RYR2: variants seen among roughly 807,000 people sequenced by gnomAD.
RYR2 encodes the protein ryanodine receptor 2.
In RYR2, 227 loss-of-function variants were observed where a neutral mutation model predicts 601.1. That is an observed-to-expected ratio of 0.38 (90% CI 0.34 to 0.42). The LOEUF is 0.42. Ranked by LOEUF, RYR2 falls within the 10% of genes least tolerant of loss-of-function variation. The pLI is 1.00. For synonymous variants in RYR2, 2,223 were observed against 2,175.1 expected (o/e 1.02, Z -0.61); for missense variants, 4,646 against 6,156.5 (o/e 0.75, Z 8.21).
intron 63 of RYR2, among the ~76,000 whole-genome samples, chr1:237,695,176 GTTATA>G (rs1038980380): frequency 1.7e-4 from 26 of 152,178 alleles, no homozygotes; most frequent in South Asian, 6.2e-4. Flanking sequence ...ATTATTTATA[GTTATA>G]TTATGTAATT....
chr1:237,358,159 G>A (rs1019838643), intron 4 of RYR2, among the ~76,000 whole-genome samples: 7 of 152,176 alleles, frequency 4.6e-5, no homozygotes, highest in South Asian at 2.1e-4. Flanking sequence ...AATTAGAACC[G>A]GTCCCTTGAC....
intron 29 of RYR2, among the ~76,000 whole-genome samples, chr1:237,587,656 A>G (rs1343198582): frequency 6.6e-6 from 1 of 152,226 alleles, no homozygotes; most frequent in Non-Finnish European, 1.5e-5. Context: ...TTTATTATCA[A>G]AACAGTATTC....
chr1:237,747,977 T>C (rs1227966426), intron 80 of RYR2, among the ~76,000 whole-genome samples: 1 of 152,156 alleles, frequency 6.6e-6, no homozygotes, highest in Non-Finnish European at 1.5e-5. Flanking sequence ...TCTCCAGTAC[T>C]CACGCTGATT....
intron 44 of RYR2, among the ~76,000 whole-genome samples, chr1:237,636,340 G>A (rs1360275825): frequency 6.6e-6 from 1 of 152,006 alleles, no homozygotes; most frequent in Non-Finnish European, 1.5e-5. Flanking sequence ...TAGACACTTA[G>A]TGCATGGCTG....
At chr1:237,325,347 G>T (rs900323621) in intron 2 of RYR2, among the ~76,000 whole-genome samples, 1 of 152,164 alleles carries the variant, frequency 6.6e-6, no homozygotes, top group African/African-American at 2.4e-5. Context: ...TGCCATGAAT[G>T]TTTCTACTGC....
intron 10 of RYR2, among the ~76,000 whole-genome samples, chr1:237,409,331 C>T (rs1035548923): frequency 6.6e-6 from 1 of 151,934 alleles, no homozygotes; most frequent in African/African-American, 2.4e-5. Context: ...GAGGAAGTTC[C>T]CTTCTATTCC....
chr1:237,262,852 G>A lies in RYR2; in HGVS notation c.49-7645G>A, dbSNP rs376262301. 6.6e-5 allele frequency among the ~76,000 whole-genome samples: 10 copies of A among 152,140 alleles called. No individual in the cohort carries two copies. In the South Asian group the frequency reaches 1.9e-3, roughly 28 times the overall value. On this transcript the variant is annotated intron_variant, in intron 1 of 104. Coordinates refer to ENST00000366574, the MANE Select transcript of RYR2 (RefSeq NM_001035.3). The stretch of plus-strand genomic sequence containing the variant: ...AGCCTAAACCTGGAAAAAAATCTCG[G>A]AAGACTGGAGGAGTAAGAGTTTAGG...
intron 1 of RYR2, among the ~76,000 whole-genome samples, chr1:237,220,851 A>G (rs6428998): frequency 0.57 from 86,931 of 151,974 alleles, 25,079 homozygotes; most frequent in Admixed American, 0.63. Context: ...AATACTGGGA[A>G]GCTGAGGTGG....
chr1:237,640,941 C>T lies in RYR2; in HGVS notation c.7160C>T (p.Ala2387Val), dbSNP rs794728754. Residue 2387 changes from alanine to valine, a missense_variant, in exon 47 of 105, where the codon GCG becomes GTG. This residue lies in a region of RYR2 where 1,497 missense variants were observed against 1,842.6 expected (regional missense o/e 0.81). Coordinates refer to ENST00000366574, the MANE Select transcript of RYR2 (RefSeq NM_001035.3). ...GATGACACTATCCACATGGGGAACG[C>T]GATCATGACCTTCTATTCAGCTTTG... is the stretch of plus-strand genomic sequence containing the variant. ...EEDDTIHMGN[A>V]IMTFYSALID... 3 of 1,613,580 alleles carry T rather than the reference C, an allele frequency of 1.9e-6. No individual in the cohort carries two copies. Among genetic ancestry groups the T allele is most frequent in the Non-Finnish European group, 2.5e-6 (3 of 1,179,732 alleles).
chr1:237,480,377 T>G (rs1572518477), intron 17 of RYR2, among the ~76,000 whole-genome samples: 1 of 69,276 alleles, frequency 1.4e-5, no homozygotes, highest in African/African-American at 7.0e-5. Context: ...CAAGATCATC[T>G]CAAAAAAAAA....
chr1:237,417,071 G>A lies in RYR2; in HGVS notation c.796G>A (p.Ala266Thr), dbSNP rs373326624. 1.4e-5 allele frequency: 23 copies of A among 1,613,436 alleles called. No homozygotes were observed. Among genetic ancestry groups the A allele is most frequent in the South Asian group, 9.9e-5 (9 of 91,056 alleles). ...CAGAACTGTTCATTATGAAGGTGGC[G>A]CTGTGTCTGTTCATGCACGTTCCCT... ...QRRTVHYEGG[A>T]VSVHARSLWR... Residue 266 changes from alanine (A) to threonine (T), a missense_variant, in exon 11 of 105, where the codon GCT (alanine) becomes ACT (threonine). Transcript: ENST00000366574.
At chr1:237,161,348 A>AT (rs199939569) in intron 1 of RYR2, among the ~76,000 whole-genome samples, 1 of 91,044 alleles carries the variant, frequency 1.1e-5, no homozygotes, top group Non-Finnish European at 2.6e-5. Context: ...TGTCAAGAAA[A>AT]TTTTGGGGGA....
intron 61 of RYR2, among the ~76,000 whole-genome samples, chr1:237,678,886 G>A (rs1685623701): frequency 6.6e-6 from 1 of 152,164 alleles, no homozygotes; most frequent in Non-Finnish European, 1.5e-5. Context: ...TCCTTTTAAA[G>A]TACTTGCATT....
At chr1:237,244,812 C>T (rs953451153) in intron 1 of RYR2, among the ~76,000 whole-genome samples, 31 of 71,354 alleles carry the variant, frequency 4.3e-4, no homozygotes, top group African/African-American at 1.5e-3. Flanking sequence ...CCCCAGACAA[C>T]GTACCGCTTG....
chr1:237,679,500 C>T (rs1341860921), intron 61 of RYR2, among the ~76,000 whole-genome samples: 4 of 152,092 alleles, frequency 2.6e-5, no homozygotes, highest in Middle Eastern at 3.4e-3. Flanking sequence ...CTGGTAGTGC[C>T]GATCTTGTTC....
intron 1 of RYR2, among the ~76,000 whole-genome samples, chr1:237,264,924 A>C (rs1279874724): frequency 6.7e-6 from 1 of 150,300 alleles, no homozygotes; most frequent in Non-Finnish European, 1.5e-5. Context: ...CTGGTCTCAA[A>C]CTCCTGACCT....
At chr1:237,615,782 A>G (rs1678400778) in intron 37 of RYR2, among the ~76,000 whole-genome samples, 1 of 152,202 alleles carries the variant, frequency 6.6e-6, no homozygotes, top group Non-Finnish European at 1.5e-5. Context: ...TGCATTAAAT[A>G]CTCTGAAGGC....
At chr1:237,594,900 T>TG (rs1417001764) in intron 33 of RYR2, among the ~76,000 whole-genome samples, 262 of 23,358 alleles carry the variant, frequency 0.011, 4 homozygotes, top group Middle Eastern at 0.04. Flanking sequence ...TTTTTTTTTT[T>TG]TTTTTTTTTT....
intron 27 of RYR2, among the ~76,000 whole-genome samples, chr1:237,565,163 CTTTCTTTCTTTCTT>C (rs549860618): frequency 0.2 from 16,525 of 83,446 alleles, 1,765 homozygotes; most frequent in South Asian, 0.26. Context: ...CTTTCTCTTT[CTTTCTTTCTTTCTT>C]TCTTTCTTTC....
Sources: gnomAD v4.1 joint callset for allele counts (sites outside exome capture counted in the v4.1 genomes callset) on GRCh38, gnomAD v4.1.1 for gene constraint, gnomAD v4.1.1 regional missense constraint, MANE v1.5 for transcripts, NCBI Gene and HGNC (gene_info 2026-07-23, HGNC 2026-07-21) for gene names.